Variants in FAM193A observed in about 807,000 individuals in gnomAD.
The protein encoded by FAM193A is family with sequence similarity 193 member A.
Under a neutral mutation model 126.5 loss-of-function variants are expected in FAM193A, and 22 were observed. That is an observed-to-expected ratio of 0.17 (90% CI 0.12 to 0.25). The LOEUF (loss-of-function observed/expected upper bound fraction) is 0.25, where lower values mean the gene tolerates loss of function less well. FAM193A is among the 10% of genes least tolerant of loss of function. The pLI, the probability that FAM193A is intolerant of heterozygous loss-of-function variation, is 1.00. For missense variants in FAM193A, 1,675 were observed against 1,672.8 expected, an observed-to-expected ratio of 1.00 and a Z score of -0.02; for synonymous variants, 761 against 646.8, an observed-to-expected ratio of 1.18 and a Z score of -2.68.
chr4:2,610,761 G>A (rs1282127802), intron 2 of FAM193A, among the ~76,000 whole-genome samples: 1 of 151,666 alleles, frequency 6.6e-6, no homozygotes, highest in Admixed American at 6.6e-5. Flanking sequence ...TTTTGAGATG[G>A]AGTTTCGCTC....
chr4:2,613,502 G>A (rs1004168689), intron 2 of FAM193A, among the ~76,000 whole-genome samples: 5 of 150,046 alleles, frequency 3.3e-5, no homozygotes, highest in Non-Finnish European at 7.4e-5. Flanking sequence ...TGCCCAGGCC[G>A]GAGTGCAGTG....
At chr4:2,716,329 GA>G (rs1314465195) in intron 20 of FAM193A, among the ~76,000 whole-genome samples, 4 of 152,148 alleles carry the variant, frequency 2.6e-5, no homozygotes, top group African/African-American at 9.7e-5. Flanking sequence ...TCACATGCTA[GA>G]AAAATAGTTG....
At chr4:2,704,124 G>A (rs190163043) in intron 19 of FAM193A, among the ~76,000 whole-genome samples, 2 of 151,396 alleles carry the variant, frequency 1.3e-5, no homozygotes, top group African/African-American at 2.4e-5. Context: ...TCAGTTGGGC[G>A]TGGTGGCACA....
At chr4:2,648,896 C>G (rs1466507530) in intron 7 of FAM193A, among the ~76,000 whole-genome samples, 1 of 152,318 alleles carries the variant, frequency 6.6e-6, no homozygotes, top group East Asian at 1.9e-4. Context: ...GGTCACCACT[C>G]CCTGGGATGT....
chr4:2,685,604 CAG>C (rs1164337360), intron 13 of FAM193A, among the ~76,000 whole-genome samples: 4 of 152,210 alleles, frequency 2.6e-5, no homozygotes, highest in Non-Finnish European at 4.4e-5. Context: ...AGCAGAAATA[CAG>C]AGAGTCTGTC....
intron 1 of FAM193A, among the ~76,000 whole-genome samples, chr4:2,581,820 A>AT (rs1164158556): frequency 1.3e-5 from 2 of 151,062 alleles, no homozygotes; most frequent in Non-Finnish European, 3.0e-5. Context: ...TGCACGGCTA[A>AT]TTTTTTGTAT....
intron 13 of FAM193A, among the ~76,000 whole-genome samples, chr4:2,676,333 G>A (rs1714399890): frequency 6.6e-6 from 1 of 152,184 alleles, no homozygotes; most frequent in South Asian, 2.1e-4. Flanking sequence ...AAGGATGTAA[G>A]GTGGTATCCC....
chr4:2,599,632 CGTCCTAGACATA>C (rs774681158), intron 2 of FAM193A, among the ~76,000 whole-genome samples: 4 of 152,190 alleles, frequency 2.6e-5, no homozygotes, highest in Non-Finnish European at 5.9e-5. Flanking sequence ...CCTAGCATCA[CGTCCTAGACATA>C]GTCGTGCCTG....
At chr4:2,603,560 C>T (rs953516771) in intron 2 of FAM193A, among the ~76,000 whole-genome samples, 10 of 148,754 alleles carry the variant, frequency 6.7e-5, no homozygotes, top group Non-Finnish European at 1.5e-4. Context: ...GGGTTCACAC[C>T]ATTCTCCTGC....
intron 2 of FAM193A, among the ~76,000 whole-genome samples, chr4:2,618,279 T>C (rs1323425082): frequency 3.3e-5 from 5 of 152,218 alleles, no homozygotes; most frequent in African/African-American, 7.2e-5. Context: ...GCTTACATAG[T>C]GTGAATTTAT....
chr4:2,663,312 C>G, intron 12 of FAM193A, 24 bp downstream of exon 12: 1 of 1,525,492 alleles, frequency 6.6e-7, no homozygotes, highest in Non-Finnish European at 8.8e-7. Flanking sequence ...TGCTGTTTTG[C>G]CAAGGATCTC....
At chr4:2,561,571 A>G (rs1391574645) in intron 1 of FAM193A, among the ~76,000 whole-genome samples, 1 of 147,724 alleles carries the variant, frequency 6.8e-6, no homozygotes, top group Non-Finnish European at 1.5e-5. Flanking sequence ...ATCTCGGCTC[A>G]CTGCAACCAC....
chr4:2,640,782 T>G (rs1273569960), intron 6 of FAM193A, among the ~76,000 whole-genome samples: 1 of 151,964 alleles, frequency 6.6e-6, no homozygotes, highest in African/African-American at 2.4e-5. Flanking sequence ...CTTGCCAACA[T>G]GGTAAAACCC....
intron 1 of FAM193A, among the ~76,000 whole-genome samples, chr4:2,541,642 C>T (rs563361189): frequency 2.0e-5 from 3 of 151,864 alleles, no homozygotes; most frequent in African/African-American, 7.2e-5. Flanking sequence ...GACAGGGTTT[C>T]ACCATGTTGG....
At chr4:2,619,389 G>A (rs953656853) in intron 2 of FAM193A, among the ~76,000 whole-genome samples, 1 of 149,104 alleles carries the variant, frequency 6.7e-6, no homozygotes. Flanking sequence ...TGCAACCTCC[G>A]CCTCCTGGGT....
At chr4:2,642,655 G>A (rs1744751908) in intron 6 of FAM193A, among the ~76,000 whole-genome samples, 1 of 151,808 alleles carries the variant, frequency 6.6e-6, no homozygotes, top group South Asian at 2.1e-4. Context: ...TATTTTACTG[G>A]TAAGCCAGTG....
chr4:2,727,408 A>AT (rs1352512762), intron 20 of FAM193A, among the ~76,000 whole-genome samples: 5 of 152,140 alleles, frequency 3.3e-5, no homozygotes, highest in African/African-American at 1.2e-4. Flanking sequence ...TTTATTTATT[A>AT]TTTTTTGAGA....
chr4:2,608,657 G>A lies in FAM193A; in HGVS notation c.501+12328G>A, dbSNP rs190042551. On this transcript the variant is annotated intron_variant, in intron 2 of 20. Transcript: ENST00000637812. The stretch of plus-strand genomic sequence containing the variant: ...GCCATAGGCTTTGAGGAGAGTGTTG[G>A]TTGGTCTTAATAACATTCTATCTCG... 9.2e-4 allele frequency among the ~76,000 whole-genome samples: 140 copies of A among 152,248 alleles called. 5 individuals are homozygous for A. The highest frequency in any genetic ancestry group is 8.8e-3 in the Admixed American group (135 of 15,286).
intron 4 of FAM193A, among the ~76,000 whole-genome samples, chr4:2,629,688 A>G (rs568323975): frequency 6.6e-6 from 1 of 152,340 alleles, no homozygotes; most frequent in African/African-American, 2.4e-5. Context: ...TGTTAGAGTG[A>G]TGAACTCAAA....
Sources: allele counts gnomAD v4.1 joint callset (sites outside exome capture counted in the v4.1 genomes callset), GRCh38; gene constraint gnomAD v4.1.1; transcripts MANE v1.5; gene names NCBI Gene and HGNC (gene_info 2026-07-23, HGNC 2026-07-21).